Variants in GPRC5B observed in about 807,000 individuals in gnomAD.
GPRC5B encodes the protein G protein-coupled receptor family C group 5 member B.
In GPRC5B, 16 loss-of-function variants were observed where a neutral mutation model predicts 30.1. The ratio of observed to expected loss-of-function variants is 0.53; its 90% CI spans 0.36 to 0.81. The LOEUF (loss-of-function observed/expected upper bound fraction) is 0.81, where lower values mean the gene tolerates loss of function less well. Ranked by LOEUF, GPRC5B falls within the 30% of genes least tolerant of loss-of-function variation. The probability of loss-of-function intolerance (pLI) is 0.01; values close to 1 mark genes in which losing one functional copy is unlikely to be tolerated. For missense variants in GPRC5B, 428 were observed against 544.7 expected (o/e 0.79, Z 2.13); for synonymous variants, 241 against 239.5 (o/e 1.01, Z -0.06).
chr16:19,864,273 A>G (rs2056649812), intron 2 of GPRC5B, among the ~76,000 whole-genome samples: 1 of 152,252 alleles, frequency 6.6e-6, no homozygotes, highest in Non-Finnish European at 1.5e-5. Context: ...GTTGTTTTAA[A>G]TAGGCCTTGG....
At chr16:19,877,945 TC>T (rs2056771340) in intron 1 of GPRC5B, among the ~76,000 whole-genome samples, 1 of 152,094 alleles carries the variant, frequency 6.6e-6, no homozygotes, top group Non-Finnish European at 1.5e-5. Flanking sequence ...ACGCCTGTAA[TC>T]CCAGCACTCT....
rs537320753 is a variant in GPRC5B at position 19,878,959 on chromosome 16, G to A, written c.-2+5768C>T. On this transcript the variant is annotated intron_variant, in intron 1 of 3. Coordinates refer to ENST00000300571, the MANE Select transcript of GPRC5B (RefSeq NM_016235.3). ...TGCTTCCACCAGTGCTGCAGGCGAT[G>A]TGGGGGTGTACTGAGGCTGGATACA... 7.9e-5 allele frequency among the ~76,000 whole-genome samples: 12 copies of A among 152,320 alleles called. No homozygotes were observed. In the South Asian group the frequency reaches 2.5e-3, roughly 32 times the overall value.
At chr16:19,871,707 A>G in intron 2 of GPRC5B, 109 bp downstream of exon 2, 1 of 956,330 alleles carries the variant, frequency 1.0e-6, no homozygotes, top group Non-Finnish European at 1.6e-6. Context: ...CTGATCTGCT[A>G]GGACTGCCCC....
chr16:19,862,888 G>A (rs1306063003), intron 2 of GPRC5B, among the ~76,000 whole-genome samples: 2 of 152,202 alleles, frequency 1.3e-5, no homozygotes, highest in Non-Finnish European at 2.9e-5. Flanking sequence ...CTGCACTCCA[G>A]CCTGGTGAAA....
chr16:19,866,643 G>T (rs2056670105), intron 2 of GPRC5B, among the ~76,000 whole-genome samples: 1 of 152,128 alleles, frequency 6.6e-6, no homozygotes, highest in Admixed American at 6.6e-5. Context: ...GCCTCCCAAA[G>T]TGCTGGGATT....
chr16:19,862,355 A>G (rs2056632780), intron 2 of GPRC5B: 1 of 205,342 alleles, frequency 4.9e-6, no homozygotes, highest in South Asian at 9.0e-5. Context: ...GTTTCTGGAC[A>G]CACACTGAGG....
At chr16:19,862,638 G>T (rs548918532) in intron 2 of GPRC5B, among the ~76,000 whole-genome samples, 2 of 152,156 alleles carry the variant, frequency 1.3e-5, no homozygotes, top group Non-Finnish European at 2.9e-5. Flanking sequence ...GAAGCCGGGC[G>T]CAGTGGCTCA....
intron 2 of GPRC5B, 22 bp from the exon 3 acceptor site, chr16:19,861,995 A>G (rs1455041479): frequency 5.0e-6 from 8 of 1,613,142 alleles, no homozygotes; most frequent in Non-Finnish European, 6.8e-6. Flanking sequence ...AGGGATTGGC[A>G]AGACAACATT....
At chr16:19,882,641 G>A (rs2056816313) in intron 1 of GPRC5B, among the ~76,000 whole-genome samples, 1 of 152,098 alleles carries the variant, frequency 6.6e-6, no homozygotes, top group Non-Finnish European at 1.5e-5. Context: ...GGAAAGGGGG[G>A]CTATTTTCCA....
intron 1 of GPRC5B, among the ~76,000 whole-genome samples, chr16:19,880,428 T>TAAATAAAATAAAATAAAATA (rs6145780): frequency 0.16 from 22,853 of 139,160 alleles, 2,411 homozygotes; most frequent in East Asian, 0.49. Flanking sequence ...GTCTCTGTTA[T>TAAATAAAATAAAATAAAATA]AAATAAAATA....
intron 2 of GPRC5B, among the ~76,000 whole-genome samples, chr16:19,871,483 G>A (rs560616525): frequency 1.3e-4 from 20 of 152,130 alleles, no homozygotes; most frequent in African/African-American, 3.9e-4. Context: ...TTAGCTGGGC[G>A]TGGTGGCACA....
chr16:19,869,183 GCC>G (rs2056691674), intron 2 of GPRC5B, among the ~76,000 whole-genome samples: 1 of 151,784 alleles, frequency 6.6e-6, no homozygotes, highest in Admixed American at 6.6e-5. Flanking sequence ...ACAAAAATTA[GCC>G]AGGCGTGATG....
rs2056611588 is a variant in GPRC5B, at chr16:19,860,429, C to A, written c.*71G>T. The A allele has an allele frequency of 3.1e-6, 3 of 963,600 alleles. No homozygotes were observed. The highest frequency in any genetic ancestry group is 1.7e-6 in the Non-Finnish European group (1 of 598,984). The allele number at this position is 963,600 out of a possible 1,614,324, so 59.7% of individuals were successfully genotyped here. On this transcript the variant is annotated 3_prime_UTR_variant, in exon 4 of 4. Transcript: ENST00000300571. ...GGTTCGGCAACTGTTACCGATTTCT[C>A]CCTCAAGAAAGACACAGCCAGGGAG...
intron 1 of GPRC5B, 105 bp downstream of exon 1, chr16:19,884,622 G>C: frequency 1.2e-6 from 1 of 863,896 alleles, no homozygotes; most frequent in Non-Finnish European, 1.4e-6. Context: ...GGGGCGCTTA[G>C]AAAAACACAA....
At chr16:19,864,910 CATTTT>C (rs2056654542) in intron 2 of GPRC5B, among the ~76,000 whole-genome samples, 1 of 138,158 alleles carries the variant, frequency 7.2e-6, no homozygotes, top group Admixed American at 7.4e-5. Flanking sequence ...TGCCCGGTCT[CATTTT>C]TTTTTTTTTT....
At position 19,857,599 on chromosome 16, in the gene GPRC5B, G is replaced by T. The variant is rs1014302529; in HGVS notation, c.*2901C>A. On this transcript the variant is annotated 3_prime_UTR_variant, in exon 4 of 4. Coordinates refer to ENST00000300571, the MANE Select transcript of GPRC5B (RefSeq NM_016235.3). ...ACCTGCTGAGAACTCCTGTAAGCTG[G>T]TATCATCATTGCATCATTGGATTAT... 33 of 334,852 alleles carry T rather than the reference G, an allele frequency of 9.9e-5. 1 individual carries two copies. In the East Asian group the frequency reaches 3.0e-3, roughly 30 times the overall value. 20.7% of individuals were successfully genotyped at this position (334,852 alleles called of 1,614,324 possible).
In GPRC5B at chr16:19,872,174, G is replaced by A; in HGVS notation, c.672C>T (p.Gly224=). 2 of 1,614,204 alleles carry A rather than the reference G, an allele frequency of 1.2e-6. No individual in the cohort carries two copies. Among genetic ancestry groups the A allele is most frequent in the Non-Finnish European group, 1.7e-6 (2 of 1,180,020 alleles). The change falls in exon 2 of 4, where the codon GGC becomes GGT. Residue 224 remains glycine (G), a synonymous_variant. Transcript: ENST00000300571. The surrounding 1 kb of genome is among the most constrained non-coding windows in gnomAD (Gnocchi z 5.0). ...CGTTCAGCTTCCACCTCTTGAACTT[G>A]CCGCACAGAGTGAAGAGGGCCAGCC... ...TLGLALFTLC[G]KFKRWKLNGA...
chr16:19,878,229 A>AACC (rs1567211742), intron 1 of GPRC5B, among the ~76,000 whole-genome samples: 4 of 147,422 alleles, frequency 2.7e-5, no homozygotes, highest in Non-Finnish European at 6.0e-5. Context: ...ACAAACAAAA[A>AACC]AACCCAAAGT....
rs771728943 is a variant in GPRC5B, at chr16:19,861,895, G to T, written c.1109C>A (p.Pro370Gln). The T allele has an allele frequency of 8.1e-6, 13 of 1,612,980 alleles. 3 individuals are homozygous for T. The Admixed American group carries it at 2.2e-4, about 27-fold the overall frequency. Residue 370 changes from proline to glutamine, a missense_variant, in exon 3 of 4, where the codon CCG (proline) becomes CAG (glutamine). Physicochemically the swap from Pro to Gln is moderately conservative, Grantham distance 76. Transcript: ENST00000300571. ...SGSLGKRPSAPFRSNVYQPTE... is the reference protein window; with the variant it reads ...SGSLGKRPSAQFRSNVYQPTE... ...TGGCTGATACACGTTGCTTCTAAACGGAGCGCTGGGTCTTTTCCCCAAGCT... is the reference window on the plus strand; with the variant it reads ...TGGCTGATACACGTTGCTTCTAAACTGAGCGCTGGGTCTTTTCCCCAAGCT...
Sources: gnomAD v4.1 joint callset for allele counts (sites outside exome capture counted in the v4.1 genomes callset) on GRCh38, gnomAD v4.1.1 for gene constraint, Gnocchi (gnomAD v3.1) non-coding constraint, MANE v1.5 for transcripts, NCBI Gene and HGNC (gene_info 2026-07-23, HGNC 2026-07-21) for gene names.